The following CMTM6 variants were observed in gnomAD, a reference collection of about 807,000 sequenced individuals.
CMTM6 encodes the protein CKLF-like MARVEL transmembrane domain-containing protein 6.
In CMTM6, 5 loss-of-function variants were observed where a neutral mutation model predicts 13.6. The observed-to-expected ratio is 0.37, with a 90% confidence interval of 0.19 to 0.77. The LOEUF (loss-of-function observed/expected upper bound fraction) is 0.77. CMTM6 is among the 30% of genes least tolerant of loss of function. The pLI is 0.50. For synonymous variants in CMTM6, 99 were observed against 84.5 expected, an observed-to-expected ratio of 1.17 and a Z score of -0.94; for missense variants, 196 against 218.6, an observed-to-expected ratio of 0.90 and a Z score of 0.65.
At chr3:32,490,908 G>A (rs1296703219) in intron 2 of CMTM6, among the ~76,000 whole-genome samples, 1 of 151,926 alleles carries the variant, frequency 6.6e-6, no homozygotes, top group African/African-American at 2.4e-5. Context: ...TCAGACACTT[G>A]AGAACTTTTC....
chr3:32,502,763 C>G lies in CMTM6; in HGVS notation c.-18G>C. 7.1e-7 allele frequency: 1 copy of G among 1,409,788 alleles called. No homozygotes were observed. The highest frequency in any genetic ancestry group is 9.2e-7 in the Non-Finnish European group (1 of 1,081,620). The allele number at this position is 1,409,788 out of a possible 1,614,324, so 87.3% of individuals were successfully genotyped here. On this transcript the variant is annotated 5_prime_UTR_variant, in exon 1 of 4. Coordinates refer to ENST00000205636, the MANE Select transcript of CMTM6 (RefSeq NM_017801.3). Reference sequence around the variant, plus strand: ...TTCTCCATCGCCTCGGGCCGGGGAGCGCGGCGGCCGCAGCAACCGCGCCGT... The same window carrying G: ...TTCTCCATCGCCTCGGGCCGGGGAGGGCGGCGGCCGCAGCAACCGCGCCGT...
chr3:32,498,443 T>C (rs1210453868), intron 1 of CMTM6, among the ~76,000 whole-genome samples: 1 of 152,230 alleles, frequency 6.6e-6, no homozygotes, highest in Non-Finnish European at 1.5e-5. Flanking sequence ...ATATTTCCTT[T>C]AATGTATTAA....
intron 2 of CMTM6, chr3:32,488,324 C>A (rs1697222463): frequency 4.9e-6 from 1 of 204,996 alleles, no homozygotes; most frequent in African/African-American, 2.3e-5. Context: ...AGCCTGTAGT[C>A]CCAGCTAACT....
rs1442171738 is a variant in CMTM6 at position 32,488,085 on chromosome 3, T to C, written c.316-49A>G. On this transcript the variant is annotated intron_variant, in intron 2 of 3. Transcript: ENST00000205636. ...AAGGAATACAATACAGTTAGATTCA[T>C]GGAAATGAACTTTTTCATTTTTAAC... 5 of 1,281,038 alleles carry C rather than the reference T, an allele frequency of 3.9e-6. No individual in the cohort carries two copies. The Admixed American group carries it at 1.0e-4, about 26-fold the overall frequency. The allele number at this position is 1,281,038 out of a possible 1,614,324, so 79.4% of individuals were successfully genotyped here.
At chr3:32,485,530 A>G (rs55923603) in intron 3 of CMTM6, among the ~76,000 whole-genome samples, 10,391 of 152,262 alleles carry the variant, frequency 0.068, 377 homozygotes, top group Middle Eastern at 0.082. Flanking sequence ...TTTTAAAATT[A>G]AAAATGAGTT....
chr3:32,492,690 A>C (rs1246635889), intron 1 of CMTM6, among the ~76,000 whole-genome samples: 1 of 152,246 alleles, frequency 6.6e-6, no homozygotes, highest in Admixed American at 6.5e-5. Context: ...GATGCAGCAG[A>C]AGCTCTTATC....
At chr3:32,500,898 A>G (rs965659122) in intron 1 of CMTM6, among the ~76,000 whole-genome samples, 9 of 152,312 alleles carry the variant, frequency 5.9e-5, no homozygotes, top group African/African-American at 1.9e-4. Flanking sequence ...TCGAGCAGCA[A>G]GAATGCTTCA....
At position 32,493,843 on chromosome 3, in the gene CMTM6, A is replaced by G. The variant is rs73826569; in HGVS notation, c.139-1957T>C. Reference sequence around the variant, plus strand: ...TGAAACACCTACCTTAGACTGAGCTATAAGAAGGTTGCCAGTGACATTAGC... The same window carrying G: ...TGAAACACCTACCTTAGACTGAGCTGTAAGAAGGTTGCCAGTGACATTAGC... On this transcript the variant is annotated intron_variant, in intron 1 of 3. Transcript: ENST00000205636. 3.9e-3 allele frequency among the ~76,000 whole-genome samples: 596 copies of G among 152,350 alleles called. 6 individuals are homozygous for G. The highest frequency in any genetic ancestry group is 0.014 in the African/African-American group (571 of 41,584).
At chr3:32,486,179 C>T (rs372449767) in intron 3 of CMTM6, among the ~76,000 whole-genome samples, 2 of 152,234 alleles carry the variant, frequency 1.3e-5, no homozygotes, top group East Asian at 1.9e-4. Context: ...CCACCACGCC[C>T]GGCCTAACTT....
In CMTM6 at chr3:32,481,386, A is replaced by G. The variant is rs1233080449; in HGVS notation, c.*2574T>C. On this transcript the variant is annotated 3_prime_UTR_variant, in exon 4 of 4. Transcript: ENST00000205636. ...CAAGAGAGATAAAAAAAAAAGACCC[A>G]TAAGATTTAAATTGACAAATATAAA... 1.3e-5 allele frequency: 2 copies of G among 151,784 alleles called. No homozygotes were observed. Among genetic ancestry groups the G allele is most frequent in the Non-Finnish European group, 2.9e-5 (2 of 67,946 alleles). The allele number at this position is 151,784 out of a possible 1,614,324, so 9.4% of individuals were successfully genotyped here.
At chr3:32,500,980 G>T (rs941137501) in intron 1 of CMTM6, among the ~76,000 whole-genome samples, 2 of 149,966 alleles carry the variant, frequency 1.3e-5, no homozygotes, top group Non-Finnish European at 3.0e-5. Flanking sequence ...AAAATCACCT[G>T]AAGTCAGGAG....
intron 2 of CMTM6, among the ~76,000 whole-genome samples, chr3:32,490,661 C>A (rs969113953): frequency 1.3e-5 from 2 of 152,088 alleles, no homozygotes; most frequent in African/African-American, 4.8e-5. Flanking sequence ...TTATACTACA[C>A]TGGACAATAT....
chr3:32,485,028 A>G (rs569678765), intron 3 of CMTM6, among the ~76,000 whole-genome samples: 2 of 130,760 alleles, frequency 1.5e-5, no homozygotes, highest in Non-Finnish European at 3.3e-5. Context: ...AACGCCTCCC[A>G]CCCTCCCATC....
Position 32,502,670 on chromosome 3 carries a change from C to G in CMTM6, c.76G>C (p.Ala26Pro). 2 of 1,589,294 alleles carry G rather than the reference C, an allele frequency of 1.3e-6. No homozygotes were observed. Among genetic ancestry groups the G allele is most frequent in the Non-Finnish European group, 1.7e-6 (2 of 1,169,758 alleles). The part of the protein sequence containing the change: ...GPARGPRSGL[A>P]AYFFMGRLPL... Reference sequence around the variant, plus strand: ...AGCCGGCCCATGAAAAAGTAGGCAGCGAGGCCGCTCCGGGGGCCTCTGGCG... The same window carrying G: ...AGCCGGCCCATGAAAAAGTAGGCAGGGAGGCCGCTCCGGGGGCCTCTGGCG... Residue 26 changes from alanine (A) to proline (P), a missense_variant, in exon 1 of 4, where the codon GCT (alanine) becomes CCT (proline). Around this residue, in one of 2 missense-constraint regions of CMTM6, gnomAD observed 85 missense variants for 58.7 expected, o/e 1.45. Transcript: ENST00000205636.
At chr3:32,489,724 A>G (rs1697235392) in intron 2 of CMTM6, among the ~76,000 whole-genome samples, 1 of 152,056 alleles carries the variant, frequency 6.6e-6, no homozygotes, top group South Asian at 2.1e-4. Context: ...TTATTTTTTA[A>G]TCCTTTTGAT....
chr3:32,497,096 C>T (rs766019644), intron 1 of CMTM6, among the ~76,000 whole-genome samples: 2 of 152,224 alleles, frequency 1.3e-5, no homozygotes, highest in South Asian at 4.1e-4. Flanking sequence ...AAAAAGAAAA[C>T]TCCTACACCG....
At chr3:32,502,110 A>G (rs1261963571) in intron 1 of CMTM6, among the ~76,000 whole-genome samples, 2 of 152,270 alleles carry the variant, frequency 1.3e-5, no homozygotes, top group African/African-American at 4.8e-5. Flanking sequence ...TACCGGACAC[A>G]CATACACACA....
intron 1 of CMTM6, among the ~76,000 whole-genome samples, chr3:32,497,068 C>T (rs1697299236): frequency 6.6e-6 from 1 of 152,054 alleles, no homozygotes; most frequent in Admixed American, 6.5e-5. Context: ...ATCAGCAAGC[C>T]ACAGGAAGTG....
intron 1 of CMTM6, among the ~76,000 whole-genome samples, chr3:32,494,532 G>A (rs1288074468): frequency 6.6e-6 from 1 of 152,140 alleles, no homozygotes; most frequent in Non-Finnish European, 1.5e-5. Flanking sequence ...CTATCTCAGA[G>A]AAATGAAAAC....
Sources: allele counts gnomAD v4.1 joint callset (sites outside exome capture counted in the v4.1 genomes callset), GRCh38; gene constraint gnomAD v4.1.1; regional missense constraint gnomAD v4.1.1; transcripts MANE v1.5; gene names NCBI Gene and HGNC (gene_info 2026-07-23, HGNC 2026-07-21).